ANAPC2: variants seen among roughly 807,000 people sequenced by gnomAD.
The protein encoded by ANAPC2 is anaphase-promoting complex subunit 2.
Under a neutral mutation model 84.3 loss-of-function variants are expected in ANAPC2, and 29 were observed. That is an observed-to-expected ratio of 0.34 (90% CI 0.26 to 0.47). The LOEUF is 0.47. Ranked by LOEUF, ANAPC2 falls within the 20% of genes least tolerant of loss-of-function variation. The pLI, the probability that ANAPC2 is intolerant of heterozygous loss-of-function variation, is 1.00. For synonymous variants in ANAPC2, 571 were observed against 479.4 expected, an observed-to-expected ratio of 1.19 and a Z score of -2.50; for missense variants, 857 against 1,131.7, an observed-to-expected ratio of 0.76 and a Z score of 3.48.
At chr9:137,183,307 C>A (rs1327195927) in intron 5 of ANAPC2, 65 bp from the exon 6 acceptor site, 3 of 1,334,680 alleles carry the variant, frequency 2.2e-6, no homozygotes, top group Non-Finnish European at 3.2e-6. Flanking sequence ...AGGGGCAACA[C>A]CCGAGTAGAC....
In ANAPC2 at chr9:137,187,966, G is replaced by A. The variant is rs758990243; in HGVS notation, c.255C>T (p.Ala85=). The change falls in exon 2 of 13, where the codon GCC becomes GCT. Residue 85 remains alanine (A), a synonymous_variant. Coordinates refer to ENST00000323927, the MANE Select transcript of ANAPC2 (RefSeq NM_013366.4). The part of the protein sequence containing the change: ...FVEVLQNDLQ[A]NISPEFWNAI... ...CATTCCAGAACTCAGGGGAGATGTT[G>A]GCCTGCAGATCGTTCTGCAGCACCT... The A allele has an allele frequency of 3.7e-6, 6 of 1,613,908 alleles. No individual in the cohort carries two copies. The highest frequency in any genetic ancestry group is 5.1e-6 in the Non-Finnish European group (6 of 1,180,038).
Position 137,187,672 on chromosome 9 carries a change from G to C in ANAPC2, c.549C>G (p.Val183=). Residue 183 remains valine (V), a synonymous_variant, in exon 2 of 13, where the codon GTC becomes GTG. Transcript: ENST00000323927. Reference sequence around the variant, plus strand: ...CCCCCTTCCTCTTACTCTGCATATAGACTCTCAAGAAGCACCCATACAGAC... The same window carrying C: ...CCCCCTTCCTCTTACTCTGCATATACACTCTCAAGAAGCACCCATACAGAC... ...IQRLYGCFLR[V]YMQSKRKGEG... 1 of 1,614,030 alleles carries C rather than the reference G, an allele frequency of 6.2e-7. No individual in the cohort carries two copies. The highest frequency in any genetic ancestry group is 1.3e-5 in the African/African-American group (1 of 75,044).
intron 6 of ANAPC2, among the ~76,000 whole-genome samples, chr9:137,182,628 G>A (rs2131337215): frequency 6.6e-6 from 1 of 152,322 alleles, no homozygotes; most frequent in East Asian, 1.9e-4. Flanking sequence ...GCTCCTGGGG[G>A]CCACTGTGCC....
chr9:137,177,070 C>T (rs935171492), intron 10 of ANAPC2: 5 of 152,196 alleles, frequency 3.3e-5, no homozygotes, highest in African/African-American at 1.2e-4. Context: ...CAGACAGGGA[C>T]AGGTGGGGCC....
chr9:137,181,897 G>A (rs776533904), intron 6 of ANAPC2, 35 bp from the exon 7 acceptor site: 2 of 1,577,668 alleles, frequency 1.3e-6, no homozygotes, highest in East Asian at 4.5e-5. Flanking sequence ...CCCACAGTGT[G>A]GACACCCCGC....
At chr9:137,175,209 T>C (rs745511782) in intron 12 of ANAPC2, 28 bp downstream of exon 12, 3 of 1,597,344 alleles carry the variant, frequency 1.9e-6, no homozygotes, top group South Asian at 2.2e-5. Flanking sequence ...CCCCGCCCCC[T>C]GGCCCCCCGT....
At chr9:137,186,022 A>G (rs577824858) in intron 3 of ANAPC2, among the ~76,000 whole-genome samples, 1 of 152,238 alleles carries the variant, frequency 6.6e-6, no homozygotes, top group East Asian at 1.9e-4. Context: ...AGATCCGAAG[A>G]GCGCACCTCA....
In ANAPC2 at chr9:137,178,001, GAT is replaced by G. The variant is rs145761739; in HGVS notation, c.1891-2166_1891-2165del. On this transcript the variant is annotated intron_variant, in intron 10 of 12. Coordinates refer to ENST00000323927, the MANE Select transcript of ANAPC2 (RefSeq NM_013366.4). ...TTTAGACTTCTGACTTCTGTAAAAT[GAT>G]ATGTTTCTTTTAAGCCCGCTGGTTT... is the stretch of plus-strand genomic sequence containing the variant. Among the ~76,000 whole-genome samples, 679 of 152,294 alleles carry G rather than the reference GAT, an allele frequency of 4.5e-3. 2 individuals carry two copies. Among genetic ancestry groups the G allele is most frequent in the African/African-American group, 0.016 (647 of 41,556 alleles).
At chr9:137,181,572 A>G in intron 7 of ANAPC2, 109 bp downstream of exon 7, 1 of 1,230,588 alleles carries the variant, frequency 8.1e-7, no homozygotes, top group Non-Finnish European at 1.1e-6. Context: ...CTGAGACACT[A>G]GCGACACCTG....
rs533146418 is a variant in ANAPC2, at chr9:137,185,371, C to T, written c.874-284G>A. On this transcript the variant is annotated intron_variant, in intron 3 of 12. Coordinates refer to ENST00000323927, the MANE Select transcript of ANAPC2 (RefSeq NM_013366.4). ...CCTAGCGTGAGACATGACAGACACA[C>T]ACGACCTGTGCGCTGTGCCTGGTGG... is the stretch of plus-strand genomic sequence containing the variant. Among the ~76,000 whole-genome samples the T allele has an allele frequency of 2.7e-3, 418 of 152,378 alleles. 5 individuals carry two copies. The highest frequency in any genetic ancestry group is 9.5e-3 in the African/African-American group (394 of 41,592).
chr9:137,188,522 G>T lies in ANAPC2; in HGVS notation c.11C>A (p.Ala4Glu). Residue 4 changes from alanine to glutamate, a missense_variant, in exon 1 of 13, where the codon GCA (alanine) becomes GAA (glutamate). Ala to Glu is a moderately radical substitution (Grantham distance 107). Around this residue, in one of 3 missense-constraint regions of ANAPC2, gnomAD observed 428 missense variants for 513.8 expected, o/e 0.83. Coordinates refer to ENST00000323927, the MANE Select transcript of ANAPC2 (RefSeq NM_013366.4). ...GCTGTCCCCCTCCGCCACCACAACT[G>T]CCGCCGCCATCTGCACCCACCGACT... MAA[A>E]VVVAEGDSDS... 1 of 1,607,742 alleles carries T rather than the reference G, an allele frequency of 6.2e-7. No homozygotes were observed.
rs766668083 is a variant in ANAPC2 at position 137,183,251 on chromosome 9, A to G, written c.1169-9T>C. 1.9e-6 allele frequency: 3 copies of G among 1,608,950 alleles called. No individual in the cohort carries two copies. The highest frequency in any genetic ancestry group is 2.7e-5 in the African/African-American group (2 of 74,856). Reference sequence around the variant, plus strand: ...GTCACACGTGTTGACGCCTACAGCCAGGGCAGAAGCCAGCAGTCATGCAGT... The same window carrying G: ...GTCACACGTGTTGACGCCTACAGCCGGGGCAGAAGCCAGCAGTCATGCAGT... On this transcript the variant is annotated splice_polypyrimidine_tract_variant and intron_variant, in intron 5 of 12. Coordinates refer to ENST00000323927, the MANE Select transcript of ANAPC2 (RefSeq NM_013366.4).
At chr9:137,178,054 G>C (rs944327721) in intron 10 of ANAPC2, among the ~76,000 whole-genome samples, 6 of 152,168 alleles carry the variant, frequency 3.9e-5, no homozygotes, top group Non-Finnish European at 1.5e-5. Context: ...GGTAGCACTG[G>C]GGCACTGACA....
Position 137,186,320 on chromosome 9 carries a change from C to T in ANAPC2, c.777G>A (p.Glu259=). Residue 259 remains glutamate, a synonymous_variant, in exon 3 of 13, where the codon GAG becomes GAA. Coordinates refer to ENST00000323927, the MANE Select transcript of ANAPC2 (RefSeq NM_013366.4). ...RLSLLERVSA[E]AVTTTLHQVT... Reference sequence around the variant, plus strand: ...CCTGGTGCAGGGTGGTGGTCACAGCCTCGGCACTGACCCGCTCCAGCAGAC... The same window carrying T: ...CCTGGTGCAGGGTGGTGGTCACAGCTTCGGCACTGACCCGCTCCAGCAGAC... 6.2e-7 allele frequency: 1 copy of T among 1,610,878 alleles called. No homozygotes were observed. Among genetic ancestry groups the T allele is most frequent in the Non-Finnish European group, 8.5e-7 (1 of 1,179,490 alleles).
chr9:137,188,149 T>C, intron 1 of ANAPC2, 46 bp from the exon 2 acceptor site: 2 of 1,576,878 alleles, frequency 1.3e-6, no homozygotes, highest in Non-Finnish European at 1.7e-6. Flanking sequence ...AACATAGAGG[T>C]GGGGAGAGGC....
chr9:137,185,054 C>G lies in ANAPC2; in HGVS notation c.907G>C (p.Val303Leu), dbSNP rs1353207564. ...CTGGCGGGGCCGTCCTGCAGGAACACCTTGCCGAGCCAGCCGACCACCCGC... is the reference window on the plus strand; with the variant it reads ...CTGGCGGGGCCGTCCTGCAGGAACAGCTTGCCGAGCCAGCCGACCACCCGC... ...IERVVGWLGK[V>L]FLQDGPARPA... Residue 303 changes from valine (V) to leucine (L), a missense_variant, in exon 4 of 13, where the codon GTG (valine) becomes CTG (leucine). Coordinates refer to ENST00000323927, the MANE Select transcript of ANAPC2 (RefSeq NM_013366.4). 1 of 1,556,306 alleles carries G rather than the reference C, an allele frequency of 6.4e-7. No individual in the cohort carries two copies. Among genetic ancestry groups the G allele is most frequent in the Non-Finnish European group, 8.7e-7 (1 of 1,153,598 alleles).
At chr9:137,179,505 T>C (rs562821504) in intron 10 of ANAPC2, among the ~76,000 whole-genome samples, 28 of 152,264 alleles carry the variant, frequency 1.8e-4, no homozygotes, top group African/African-American at 6.5e-4. Context: ...ATCTCAGCAG[T>C]GCTGCCAGGG....
intron 10 of ANAPC2, chr9:137,176,221 G>A (rs1003177750): frequency 1.5e-4 from 24 of 162,386 alleles, no homozygotes; most frequent in African/African-American, 6.9e-4. Flanking sequence ...GGGGCCACAC[G>A]AAGACAGAGA....
rs1834393117 is a variant in ANAPC2, at chr9:137,183,811, C to T, written c.1049-20G>A. ...GGAAGTCTACAAGAAGAAGAACATC[C>T]CTCAGGGACAGACATGGATGCGTGC... On this transcript the variant is annotated intron_variant, in intron 4 of 12. Transcript: ENST00000323927. 5 of 1,612,076 alleles carry T rather than the reference C, an allele frequency of 3.1e-6. No individual in the cohort carries two copies. Among genetic ancestry groups the T allele is most frequent in the Admixed American group, 1.7e-5 (1 of 59,968 alleles).
Sources: allele counts gnomAD v4.1 joint callset (sites outside exome capture counted in the v4.1 genomes callset), GRCh38; gene constraint gnomAD v4.1.1; regional missense constraint gnomAD v4.1.1; transcripts MANE v1.5; gene names NCBI Gene and HGNC (gene_info 2026-07-23, HGNC 2026-07-21).